EIPR1: variants seen among roughly 807,000 people sequenced by gnomAD.
EIPR1 encodes EARP complex and GARP complex interacting protein 1.
In EIPR1, 25 loss-of-function variants were observed where a neutral mutation model predicts 48.1. The observed-to-expected ratio is 0.52, with a 90% CI of 0.38 to 0.73. EIPR1 has a LOEUF of 0.73. Ranked by LOEUF, EIPR1 falls within the 30% of genes least tolerant of loss-of-function variation. The probability of loss-of-function intolerance (pLI) is 0.00; values close to 1 mark genes in which losing one functional copy is unlikely to be tolerated. For synonymous variants in EIPR1, 204 were observed against 201.9 expected (o/e 1.01, Z -0.09); for missense variants, 415 against 506.2 (o/e 0.82, Z 1.73).
At chr2:3,267,769 A>G (rs1163507475) in intron 3 of EIPR1, among the ~76,000 whole-genome samples, 1 of 152,192 alleles carries the variant, frequency 6.6e-6, no homozygotes, top group Non-Finnish European at 1.5e-5. Context: ...GTGGTTCTGC[A>G]TTTTTAAAGG....
rs145431067 is a variant in EIPR1, at chr2:3,301,086, T to C, written c.259+36931A>G. The C allele has an allele frequency of 3.9e-5, 6 of 152,274 alleles. No homozygotes were observed. In the East Asian group the frequency reaches 1.2e-3, roughly 29 times the overall value. The allele number at this position is 152,274 out of a possible 1,614,324, so 9.4% of individuals were successfully genotyped here. ...GGCACTGAAGCTGACTTTTAGAGCA[T>C]TTCTGAAAGAAAAGTTCCAAAAATG... On this transcript the variant is annotated intron_variant, in intron 3 of 8. Coordinates refer to ENST00000382125, the MANE Select transcript of EIPR1 (RefSeq NM_003310.5).
chr2:3,342,473 C>T (rs367555379), intron 2 of EIPR1, among the ~76,000 whole-genome samples: 69 of 152,368 alleles, frequency 4.5e-4, no homozygotes, highest in African/African-American at 1.5e-3. Context: ...GGGCAGCAGG[C>T]GCAGCCGGGG....
chr2:3,306,261 G>A (rs955859912), intron 3 of EIPR1, among the ~76,000 whole-genome samples: 1 of 152,194 alleles, frequency 6.6e-6, no homozygotes, highest in African/African-American at 2.4e-5. Context: ...GGTTTCTATG[G>A]ATATTTGGTT....
intron 5 of EIPR1, among the ~76,000 whole-genome samples, chr2:3,205,091 A>C (rs1665183477): frequency 6.6e-6 from 1 of 152,214 alleles, no homozygotes; most frequent in African/African-American, 2.4e-5. Flanking sequence ...TGTGGTGTCT[A>C]GGGCGCAGGA....
intron 4 of EIPR1, among the ~76,000 whole-genome samples, chr2:3,252,437 A>T (rs1667029524): frequency 6.6e-6 from 1 of 152,118 alleles, no homozygotes; most frequent in South Asian, 2.1e-4. Flanking sequence ...CTAAAAATAC[A>T]AAAATTAGCC....
intron 3 of EIPR1, among the ~76,000 whole-genome samples, chr2:3,264,555 C>T (rs1667429959): frequency 6.6e-6 from 1 of 152,120 alleles, no homozygotes. Flanking sequence ...TTCCTCCGGG[C>T]AGGACAGATG....
chr2:3,257,431 C>A lies in EIPR1; in HGVS notation c.284G>T (p.Cys95Phe). The A allele has an allele frequency of 1.2e-6, 2 of 1,614,208 alleles. No homozygotes were observed. The highest frequency in any genetic ancestry group is 1.7e-6 in the Non-Finnish European group (2 of 1,180,034). Residue 95 changes from cysteine to phenylalanine, a missense_variant, in exon 4 of 9, where the codon TGT becomes TTT. Physicochemically the swap from Cys to Phe is radical, Grantham distance 205. Transcript: ENST00000382125. The part of the protein sequence containing the change: ...NRTSDSKVLT[C>F]AAVWRMPKEL... ...CTTCGGCATCCTCCACACGGCTGCA[C>A]ATGTCAGGACTTTGCTGTCTGAAGC... is the stretch of plus-strand genomic sequence containing the variant.
intron 2 of EIPR1, among the ~76,000 whole-genome samples, chr2:3,353,609 A>G (rs1270406658): frequency 2.0e-5 from 3 of 152,206 alleles, no homozygotes; most frequent in East Asian, 1.9e-4. Context: ...TTTTATAACT[A>G]TAAGTATCAT....
rs1668186267 is a variant in EIPR1, at chr2:3,286,405, G to C, written c.260-28950C>G. ...CCAGATTCCAGGAAGCCCCAGGAGT[G>C]GGCCCAGAAGGAGCAGTGCCAAGGA... is the stretch of plus-strand genomic sequence containing the variant. On this transcript the variant is annotated intron_variant, in intron 3 of 8. Coordinates refer to ENST00000382125, the MANE Select transcript of EIPR1 (RefSeq NM_003310.5). The surrounding 1 kb of genome is among the most constrained non-coding windows in gnomAD (Gnocchi z 4.2). Among the ~76,000 whole-genome samples, 1 of 152,116 alleles carries C rather than the reference G, an allele frequency of 6.6e-6. No individual in the cohort carries two copies. The highest frequency in any genetic ancestry group is 1.5e-5 in the Non-Finnish European group (1 of 68,020).
intron 3 of EIPR1, among the ~76,000 whole-genome samples, chr2:3,279,868 A>G (rs897179837): frequency 3.3e-5 from 5 of 152,172 alleles, no homozygotes; most frequent in African/African-American, 1.2e-4. Flanking sequence ...AACACCTCTC[A>G]CTTATATCCA....
At chr2:3,361,928 T>C (rs1212364420) in intron 1 of EIPR1, among the ~76,000 whole-genome samples, 1 of 152,220 alleles carries the variant, frequency 6.6e-6, no homozygotes, top group African/African-American at 2.4e-5. Flanking sequence ...CTCTTCTTTC[T>C]CCCTTCACCT....
intron 2 of EIPR1, among the ~76,000 whole-genome samples, chr2:3,345,872 G>A (rs906442672): frequency 5.9e-5 from 9 of 152,044 alleles, no homozygotes; most frequent in African/African-American, 2.2e-4. Context: ...AGGGAAATAG[G>A]GCACCATGTT....
intron 3 of EIPR1, among the ~76,000 whole-genome samples, chr2:3,279,805 AC>A: frequency 6.6e-6 from 1 of 152,296 alleles, no homozygotes; most frequent in South Asian, 2.1e-4. Context: ...GTTACACACA[AC>A]CCAGGAAGTT....
chr2:3,294,889 C>A (rs1398782872), intron 3 of EIPR1, among the ~76,000 whole-genome samples: 1 of 135,048 alleles, frequency 7.4e-6, no homozygotes, highest in African/African-American at 2.8e-5. Context: ...TACACATGCC[C>A]TCCATCCAGC....
intron 3 of EIPR1, among the ~76,000 whole-genome samples, chr2:3,329,173 A>G (rs13034285): frequency 3.9e-5 from 5 of 128,054 alleles, no homozygotes; most frequent in African/African-American, 1.2e-4. Context: ...CCAGGCTCTA[A>G]TGATCTCAGG....
chr2:3,374,635 A>G (rs1256939505), intron 1 of EIPR1, among the ~76,000 whole-genome samples: 1 of 151,974 alleles, frequency 6.6e-6, no homozygotes, highest in East Asian at 1.9e-4. Flanking sequence ...AAAAATGCTC[A>G]TCATCACTGG....
At position 3,193,999 on chromosome 2, in the gene EIPR1, C is replaced by CA; in HGVS notation, c.820dup (p.Trp274LeufsTer12). On this transcript the variant is annotated frameshift_variant and splice_region_variant, in exon 7 of 9. Coordinates refer to ENST00000382125, the MANE Select transcript of EIPR1 (RefSeq NM_003310.5). LOFTEE classifies it high-confidence loss of function. Reference sequence around the variant, plus strand: ...CTGAAGCAGCCAGGAGCGGCCCTACCAGTGGGAGTGCTCCTCCAGGGTCTT... The same window carrying CA: ...CTGAAGCAGCCAGGAGCGGCCCTACCAAGTGGGAGTGCTCCTCCAGGGTCTT... 1 of 1,613,564 alleles carries CA rather than the reference C, an allele frequency of 6.2e-7. No individual in the cohort carries two copies. Among genetic ancestry groups the CA allele is most frequent in the Non-Finnish European group, 8.5e-7 (1 of 1,179,950 alleles).
In EIPR1 at chr2:3,328,986, A is replaced by C. The variant is rs1307797162; in HGVS notation, c.259+9031T>G. 9.0e-5 allele frequency among the ~76,000 whole-genome samples: 8 copies of C among 89,276 alleles called. 4 individuals carry two copies. The East Asian group carries it at 3.6e-3, about 41-fold the overall frequency. The allele number at this position is 89,276 out of a possible 152,430, so 58.6% of individuals were successfully genotyped here. ...GCCAGGCTCCCCTGAATCAGAGCCC[A>C]CCCACCACGTTCTAATGATCTCAGG... On this transcript the variant is annotated intron_variant, in intron 3 of 8. Transcript: ENST00000382125.
intron 3 of EIPR1, 126 bp downstream of exon 3, chr2:3,337,891 G>T: frequency 3.9e-6 from 4 of 1,020,368 alleles, no homozygotes; most frequent in Non-Finnish European, 2.9e-6. Flanking sequence ...CTCTGTGCAT[G>T]CAACACCTTC....
Sources: gnomAD v4.1 joint callset for allele counts (sites outside exome capture counted in the v4.1 genomes callset) on GRCh38, gnomAD v4.1.1 for gene constraint, Gnocchi (gnomAD v3.1) non-coding constraint, MANE v1.5 for transcripts, NCBI Gene and HGNC (gene_info 2026-07-23, HGNC 2026-07-21) for gene names.